The following KIAA2012 variants were observed in gnomAD, a reference collection of about 807,000 sequenced individuals.
KIAA2012 encodes the protein uncharacterized protein KIAA2012.
Under a neutral mutation model 150.6 loss-of-function variants are expected in KIAA2012, and 125 were observed. The observed-to-expected ratio is 0.83, with a 90% CI of 0.72 to 0.96. The LOEUF is 0.96. Among genes scored for constraint, KIAA2012 ranks in the 40% least tolerant of loss-of-function variants. The pLI is 0.00. For synonymous variants in KIAA2012, 462 were observed against 504.7 expected (o/e 0.92, Z 1.13); for missense variants, 1,219 against 1,354.9 (o/e 0.90, Z 1.57).
rs79946941 is a variant in KIAA2012, at chr2:202,204,083, T to G, written c.*21-915T>G. ...CGCACCCAGCGGTTTTTTGTTTTTTTTTTTTTTTTTTAAGACAGGGTCTCA... is the reference window on the plus strand; with the variant it reads ...CGCACCCAGCGGTTTTTTGTTTTTTGTTTTTTTTTTTAAGACAGGGTCTCA... On this transcript the variant is annotated intron_variant, in intron 23 of 23. Transcript: ENST00000498697. Among the ~76,000 whole-genome samples the G allele has an allele frequency of 6.0e-4, 81 of 134,150 alleles. 1 individual carries two copies. The highest frequency in any genetic ancestry group is 2.2e-3 in the Admixed American group (29 of 13,094). 88.0% of individuals were successfully genotyped at this position (134,150 alleles called of 152,430 possible). A position where few individuals can be genotyped will look rare whatever the true frequency, so the allele number is the denominator to read the frequency against.
At chr2:202,127,470 G>A (rs1690822130) in intron 12 of KIAA2012, among the ~76,000 whole-genome samples, 1 of 152,196 alleles carries the variant, frequency 6.6e-6, no homozygotes, top group South Asian at 2.1e-4. Context: ...AGTATATAGA[G>A]CTTAAGGGTT....
chr2:202,183,314 G>T (rs929322853), intron 15 of KIAA2012, among the ~76,000 whole-genome samples: 8 of 151,814 alleles, frequency 5.3e-5, no homozygotes, highest in African/African-American at 1.7e-4. Context: ...CTGGCCACTT[G>T]CGAGACAGGT....
intron 14 of KIAA2012, among the ~76,000 whole-genome samples, chr2:202,162,357 C>T (rs1421536916): frequency 6.6e-6 from 1 of 151,942 alleles, no homozygotes; most frequent in Non-Finnish European, 1.5e-5. Flanking sequence ...TCACTGCAAC[C>T]TCCGCCTGCT....
chr2:202,117,892 A>G (rs1212347903), intron 11 of KIAA2012, among the ~76,000 whole-genome samples: 2 of 152,204 alleles, frequency 1.3e-5, no homozygotes, highest in South Asian at 2.1e-4. Context: ...TGATCACTGA[A>G]TCCCTTTGTT....
intron 15 of KIAA2012, among the ~76,000 whole-genome samples, chr2:202,166,944 G>A (rs763967434): frequency 2.0e-5 from 3 of 152,146 alleles, no homozygotes; most frequent in South Asian, 2.1e-4. Flanking sequence ...AGGCTGAGGC[G>A]GGCAGATCAC....
intron 12 of KIAA2012, among the ~76,000 whole-genome samples, chr2:202,133,130 A>ATATTTT (rs1279080237): frequency 3.0e-5 from 2 of 67,780 alleles, no homozygotes; most frequent in Non-Finnish European, 5.8e-5. Flanking sequence ...ATATATATAT[A>ATATTTT]TTTTTTTTTT....
chr2:202,092,003 G>A (rs749069097), intron 3 of KIAA2012, among the ~76,000 whole-genome samples: 14 of 152,176 alleles, frequency 9.2e-5, no homozygotes, highest in Admixed American at 2.6e-4. Flanking sequence ...TTTTGAGAAA[G>A]AGCCCCTTAA....
intron 2 of KIAA2012, among the ~76,000 whole-genome samples, chr2:202,086,896 C>T (rs80326070): frequency 9.9e-5 from 15 of 152,232 alleles, no homozygotes; most frequent in African/African-American, 3.4e-4. Flanking sequence ...TTTTCCAGTG[C>T]TTGTTTCCCA....
rs11288166 is a variant in KIAA2012, at chr2:202,097,587, CTT to C, written c.828+25_828+26del. 51,773 of 1,347,892 alleles carry C rather than the reference CTT, an allele frequency of 0.038. No homozygotes were observed. Among genetic ancestry groups the C allele is most frequent in the South Asian group, 0.05 (3,440 of 68,722 alleles). The allele number at this position is 1,347,892 out of a possible 1,614,324, so 83.5% of individuals were successfully genotyped here. A position where few individuals can be genotyped will look rare whatever the true frequency, so the allele number is the denominator to read the frequency against. ...TGAAACGCAGGCAGAGGTACCATTT[CTT>C]TTTTTTTTTTTTTTCCCCGAGACGG... On this transcript the variant is annotated intron_variant, in intron 5 of 23. Transcript: ENST00000498697.
intron 14 of KIAA2012, 80 bp downstream of exon 14, chr2:202,154,890 A>G: frequency 7.0e-7 from 1 of 1,426,720 alleles, no homozygotes; most frequent in South Asian, 1.6e-5. Context: ...GCATGGTACA[A>G]AAACAGCTTC....
At chr2:202,200,707 C>CTTTTTTTTTTTTTT (rs3068268) in intron 22 of KIAA2012, among the ~76,000 whole-genome samples, 1 of 124,272 alleles carries the variant, frequency 8.0e-6, no homozygotes, top group Non-Finnish European at 1.6e-5. Context: ...AATTTTGGAA[C>CTTTTTTTTTTTTTT]TTTTTTTTTT....
At chr2:202,122,833 A>T (rs924921744) in intron 11 of KIAA2012, among the ~76,000 whole-genome samples, 3 of 152,064 alleles carry the variant, frequency 2.0e-5, no homozygotes, top group African/African-American at 7.2e-5. Flanking sequence ...TTTTACTTTC[A>T]GTTAAGAAGG....
Position 202,104,838 on chromosome 2 carries a change from T to A in KIAA2012, c.1325-923T>A. ...ACATCAAAACATCAGAATGAAAAGA[T>A]ACACTTAATAAAAAGACAGACAATA... On this transcript the variant is annotated intron_variant, in intron 8 of 23. Transcript: ENST00000498697. The surrounding 1 kb of genome is among the most constrained non-coding windows in gnomAD (Gnocchi z 4.3). Among the ~76,000 whole-genome samples the A allele has an allele frequency of 6.6e-6, 1 of 152,118 alleles. No homozygotes were observed. The highest frequency in any genetic ancestry group is 3.2e-3 in the Middle Eastern group (1 of 316).
At chr2:202,191,106 G>GAAATTTTGTA (rs1559233799) in intron 19 of KIAA2012, among the ~76,000 whole-genome samples, 9 of 151,890 alleles carry the variant, frequency 5.9e-5, no homozygotes, top group Non-Finnish European at 1.5e-5. Context: ...GGGAAAGCCC[G>GAAATTTTGTA]TTTCTACTAA....
chr2:202,106,971 T>C (rs1234349895), intron 9 of KIAA2012, among the ~76,000 whole-genome samples: 2 of 152,238 alleles, frequency 1.3e-5, no homozygotes, highest in Non-Finnish European at 2.9e-5. Flanking sequence ...TTAATGTGTT[T>C]GGAGTTCTTC....
intron 9 of KIAA2012, among the ~76,000 whole-genome samples, chr2:202,106,283 C>T (rs1022244651): frequency 1.3e-5 from 2 of 152,186 alleles, no homozygotes; most frequent in South Asian, 2.1e-4. Context: ...TGTAGAAAAG[C>T]GTCAAACTTA....
intron 19 of KIAA2012, 95 bp from the exon 20 acceptor site, chr2:202,193,206 C>A (rs1692351877): frequency 8.0e-7 from 1 of 1,244,158 alleles, no homozygotes. Context: ...ATGATTCCAT[C>A]TTTGATTAGA....
intron 3 of KIAA2012, among the ~76,000 whole-genome samples, chr2:202,092,591 G>T (rs1282580505): frequency 6.6e-6 from 1 of 152,068 alleles, no homozygotes; most frequent in Non-Finnish European, 1.5e-5. Flanking sequence ...TACTTCACTG[G>T]CTAGCCGAGG....
chr2:202,151,400 A>AAAT (rs977367041), intron 13 of KIAA2012, among the ~76,000 whole-genome samples: 1 of 152,000 alleles, frequency 6.6e-6, no homozygotes, highest in Non-Finnish European at 1.5e-5. Context: ...CTGTCTCAAA[A>AAAT]AATAATAATA....
Sources: gnomAD v4.1 joint callset for allele counts (sites outside exome capture counted in the v4.1 genomes callset) on GRCh38, gnomAD v4.1.1 for gene constraint, Gnocchi (gnomAD v3.1) non-coding constraint, MANE v1.5 for transcripts, NCBI Gene and HGNC (gene_info 2026-07-23, HGNC 2026-07-21) for gene names.